The following EHBP1L1 variants were observed in gnomAD, a reference collection of about 807,000 sequenced individuals.
EHBP1L1 encodes EH domain binding protein 1 like 1, also known as EH domain-binding protein 1-like protein 1.
In EHBP1L1, 122 loss-of-function variants were observed where a neutral mutation model predicts 151.1. The observed-to-expected ratio is 0.81, with a 90% CI of 0.70 to 0.94. The LOEUF (loss-of-function observed/expected upper bound fraction) is 0.94, where lower values mean the gene tolerates loss of function less well. Among genes scored for constraint, EHBP1L1 ranks in the 40% least tolerant of loss-of-function variants. The probability of loss-of-function intolerance (pLI) is 0.00; values close to 1 mark genes in which losing one functional copy is unlikely to be tolerated. For synonymous variants in EHBP1L1, 878 were observed against 810.1 expected (o/e 1.08, Z -1.42); for missense variants, 1,941 against 1,959.8 (o/e 0.99, Z 0.18).
chr11:65,582,194 G>T lies in EHBP1L1; in HGVS notation c.1522G>T (p.Gly508Cys). 6.5e-7 allele frequency: 1 copy of T among 1,545,046 alleles called. No homozygotes were observed. Among genetic ancestry groups the T allele is most frequent in the Non-Finnish European group, 8.7e-7 (1 of 1,149,296 alleles). The change falls in exon 9 of 19, where the codon GGT becomes TGT. Residue 508 changes from glycine (G) to cysteine (C), a missense_variant. Gly to Cys is a radical substitution (Grantham distance 159). Transcript: ENST00000309295. Reference protein sequence around the residue: ...ARAAAGQEREGAEVRGGAPGI... With the variant: ...ARAAAGQERECAEVRGGAPGI... The stretch of plus-strand genomic sequence containing the variant: ...GGCTGCTGCAGGCCAGGAGAGAGAG[G>T]GTGCAGAAGTGAGGGGTGGAGCACC...
intron 9 of EHBP1L1, 113 bp downstream of exon 9, chr11:65,583,878 G>A: frequency 1.4e-6 from 2 of 1,425,300 alleles, no homozygotes; most frequent in East Asian, 2.5e-5. Flanking sequence ...GTGGGGTGGG[G>A]GGCTCAGCTT....
Position 65,592,224 on chromosome 11 carries a change from C to A in EHBP1L1, c.4494C>A (p.Arg1498=). ...CCAGCGCCCTGGAGGAGGACGAGCG[C>A]CTGGAGCGCGGCCTGGAACAGCGGC... The part of the protein sequence containing the change: ...KERIALEEDE[R]LERGLEQRRR... The change falls in exon 19 of 19, where the codon CGC becomes CGA. Residue 1498 remains arginine, a synonymous_variant. Coordinates refer to ENST00000309295, the MANE Select transcript of EHBP1L1 (RefSeq NM_001099409.3). 6.5e-7 allele frequency: 1 copy of A among 1,544,626 alleles called. No individual in the cohort carries two copies. Among genetic ancestry groups the A allele is most frequent in the Non-Finnish European group, 8.7e-7 (1 of 1,151,318 alleles).
intron 11 of EHBP1L1, 188 bp downstream of exon 11, chr11:65,584,722 C>T (rs1484406354): frequency 9.6e-7 from 1 of 1,039,410 alleles, no homozygotes. Flanking sequence ...AAGCGTTTTT[C>T]CTCCCTTAGA....
chr11:65,590,556 A>T lies in EHBP1L1; in HGVS notation c.4247A>T (p.Asn1416Ile). 6.2e-7 allele frequency: 1 copy of T among 1,613,636 alleles called. No homozygotes were observed. The highest frequency in any genetic ancestry group is 8.5e-7 in the Non-Finnish European group (1 of 1,179,838). Residue 1416 changes from asparagine (N) to isoleucine (I), a missense_variant, in exon 16 of 19, where the codon AAC becomes ATC. Coordinates refer to ENST00000309295, the MANE Select transcript of EHBP1L1 (RefSeq NM_001099409.3). ...QEWFTLVNKK[N>I]ALIRRQDQLQ... ...TGGTTCACCCTGGTCAACAAGAAGA[A>T]CGCTCTCATCCGGAGGCAGGACCAG...
At position 65,585,495 on chromosome 11, in the gene EHBP1L1, C is replaced by G; in HGVS notation, c.3837C>G (p.Asp1279Glu). The G allele has an allele frequency of 6.4e-7, 1 of 1,552,588 alleles. No individual in the cohort carries two copies. Residue 1279 changes from aspartate to glutamate, a missense_variant, in exon 12 of 19, where the codon GAC becomes GAG. Asp to Glu is a conservative substitution (Grantham distance 45). Coordinates refer to ENST00000309295, the MANE Select transcript of EHBP1L1 (RefSeq NM_001099409.3). The surrounding 1 kb of genome is among the most constrained non-coding windows in gnomAD (Gnocchi z 4.0). ...RAHGSFSHVR[D>E]ADLLKKRRSR... Reference sequence around the variant, plus strand: ...ACGGCTCCTTCTCCCACGTGCGCGACGCGGACCTGCTCAAGAAGAGGCGCT... The same window carrying G: ...ACGGCTCCTTCTCCCACGTGCGCGAGGCGGACCTGCTCAAGAAGAGGCGCT...
chr11:65,589,733 T>C lies in EHBP1L1; in HGVS notation c.3934-18T>C. ...GTGGGAAACCCCTCCCAGCCCTCACTGGCCCCTTCTTCCACAGGAAGGCCA... is the reference window on the plus strand; with the variant it reads ...GTGGGAAACCCCTCCCAGCCCTCACCGGCCCCTTCTTCCACAGGAAGGCCA... On this transcript the variant is annotated intron_variant, in intron 12 of 18. Coordinates refer to ENST00000309295, the MANE Select transcript of EHBP1L1 (RefSeq NM_001099409.3). The C allele has an allele frequency of 2.6e-6, 4 of 1,524,664 alleles. No homozygotes were observed. The highest frequency in any genetic ancestry group is 1.2e-5 in the South Asian group (1 of 80,226). 94.4% of individuals were successfully genotyped at this position (1,524,664 alleles called of 1,614,324 possible).
rs74601896 is a variant in EHBP1L1 at position 65,584,225 on chromosome 11, A to C, written c.3094-16A>C. 0.012 allele frequency: 18,721 copies of C among 1,602,834 alleles called. 1,671 individuals carry two copies. The African/African-American group carries it at 0.21, about 18-fold the overall frequency. ...TCCCATTTATACATTCCCTAAGCCC[A>C]CCCCTGTGTCCTCAGGCACCACCTG... On this transcript the variant is annotated splice_polypyrimidine_tract_variant and intron_variant, in intron 9 of 18. Transcript: ENST00000309295.
intron 12 of EHBP1L1, among the ~76,000 whole-genome samples, chr11:65,586,288 G>A (rs1259248537): frequency 1.3e-5 from 2 of 152,226 alleles, no homozygotes; most frequent in African/African-American, 4.8e-5. Flanking sequence ...AGAAAGAGCA[G>A]GGATTTGCTC....
chr11:65,580,976 C>G (rs1857574681), intron 6 of EHBP1L1, 82 bp from the exon 7 acceptor site: 1 of 1,520,278 alleles, frequency 6.6e-7, no homozygotes, highest in Admixed American at 2.1e-5. Flanking sequence ...AGGACCTGCA[C>G]TGTAGTTGGG....
At chr11:65,591,024 CTG>C (rs944310076) in intron 16 of EHBP1L1, among the ~76,000 whole-genome samples, 3 of 151,682 alleles carry the variant, frequency 2.0e-5, no homozygotes, top group African/African-American at 4.8e-5. Context: ...GAGTGAGACT[CTG>C]TCTCAAAAAA....
Position 65,583,473 on chromosome 11 carries a change from T to G in EHBP1L1, c.2801T>G (p.Val934Gly), listed in dbSNP as rs1396931465. 6.2e-7 allele frequency: 1 copy of G among 1,612,562 alleles called. No individual in the cohort carries two copies. Among genetic ancestry groups the G allele is most frequent in the Non-Finnish European group, 8.5e-7 (1 of 1,179,548 alleles). ...VQGSETQVLR[V>G]QEAEAGVWGM... Reference sequence around the variant, plus strand: ...GGGTCAGAGACTCAAGTTCTGAGAGTCCAGGAGGCAGAGGCTGGGGTTTGG... The same window carrying G: ...GGGTCAGAGACTCAAGTTCTGAGAGGCCAGGAGGCAGAGGCTGGGGTTTGG... The change falls in exon 9 of 19, where the codon GTC becomes GGC. Residue 934 changes from valine (V) to glycine (G), a missense_variant. Coordinates refer to ENST00000309295, the MANE Select transcript of EHBP1L1 (RefSeq NM_001099409.3).
intron 12 of EHBP1L1, among the ~76,000 whole-genome samples, chr11:65,586,563 G>A (rs565058360): frequency 2.6e-5 from 4 of 152,364 alleles, no homozygotes; most frequent in African/African-American, 9.6e-5. Context: ...GGTGGGAACT[G>A]CATTAGCAAA....
chr11:65,576,432 TC>T, intron 1 of EHBP1L1, 26 bp downstream of exon 1: 4 of 1,538,042 alleles, frequency 2.6e-6, no homozygotes, highest in South Asian at 1.2e-5. Flanking sequence ...GCGGGGGGGC[TC>T]CCCCGAACTT....
chr11:65,581,893 G>A lies in EHBP1L1; in HGVS notation c.1221G>A (p.Arg407=). The change falls in exon 9 of 19, where the codon AGG becomes AGA. Residue 407 remains arginine (R), a synonymous_variant. Transcript: ENST00000309295. ...GAGGCAGAGAGGCAAACACTAAGAG[G>A]TCAGGAGTCAGAGCTGGGGAGGCTG... ...RSGGREANTK[R]SGVRAGEAEE... 1 of 1,613,660 alleles carries A rather than the reference G, an allele frequency of 6.2e-7. No individual in the cohort carries two copies. The highest frequency in any genetic ancestry group is 8.5e-7 in the Non-Finnish European group (1 of 1,179,802).
chr11:65,576,988 T>A (rs1314066219), intron 1 of EHBP1L1, among the ~76,000 whole-genome samples: 2 of 152,004 alleles, frequency 1.3e-5, no homozygotes, highest in Non-Finnish European at 1.5e-5. Context: ...GGGAGCAGCT[T>A]AAAGGGGCCT....
intron 12 of EHBP1L1, among the ~76,000 whole-genome samples, chr11:65,588,897 G>T (rs1858113657): frequency 6.6e-6 from 1 of 152,204 alleles, no homozygotes; most frequent in South Asian, 2.1e-4. Flanking sequence ...GCCAGGAGGT[G>T]GAGGTGCTGG....
At position 65,583,709 on chromosome 11, in the gene EHBP1L1, C is replaced by T. The variant is rs1857770973; in HGVS notation, c.3037C>T (p.Pro1013Ser). The change falls in exon 9 of 19, where the codon CCC (proline) becomes TCC (serine). Residue 1013 changes from proline to serine, a missense_variant. Pro to Ser is a moderately conservative substitution (Grantham distance 74, BLOSUM62 -1). Transcript: ENST00000309295. The part of the protein sequence containing the change: ...QVASGAGAGA[P>S]RASSPEKAEE... ...GGCCAGTGGGGCAGGGGCTGGGGCG[C>T]CCAGGGCCTCTTCCCCAGAGAAGGC... is the stretch of plus-strand genomic sequence containing the variant. The T allele has an allele frequency of 3.2e-6, 5 of 1,555,096 alleles. No individual in the cohort carries two copies. Among genetic ancestry groups the T allele is most frequent in the Non-Finnish European group, 4.3e-6 (5 of 1,151,626 alleles).
At position 65,591,991 on chromosome 11, in the gene EHBP1L1, CCG is replaced by C; in HGVS notation, c.4375_4376del (p.Ala1459SerfsTer21). 1.2e-6 allele frequency: 2 copies of C among 1,612,618 alleles called. No homozygotes were observed. Among genetic ancestry groups the C allele is most frequent in the Non-Finnish European group, 1.7e-6 (2 of 1,179,088 alleles). On this transcript the variant is annotated frameshift_variant, in exon 18 of 19. Coordinates refer to ENST00000309295, the MANE Select transcript of EHBP1L1 (RefSeq NM_001099409.3). LOFTEE classifies it high-confidence loss of function. ...CGACCCTCAGACTGGCAGAAAACGTCCGCTCAGCAGCACCGAGAGCAGCTCCT... is the reference window on the plus strand; with the variant it reads ...CGACCCTCAGACTGGCAGAAAACGTCCTCAGCAGCACCGAGAGCAGCTCCT...
chr11:65,579,167 T>A, intron 2 of EHBP1L1, 32 bp downstream of exon 2: 1 of 1,571,496 alleles, frequency 6.4e-7, no homozygotes, highest in Non-Finnish European at 8.6e-7. Flanking sequence ...GGATCCAGGT[T>A]AGGGATGGGG....
Sources: gnomAD v4.1 joint callset for allele counts (sites outside exome capture counted in the v4.1 genomes callset) on GRCh38, gnomAD v4.1.1 for gene constraint, Gnocchi (gnomAD v3.1) non-coding constraint, MANE v1.5 for transcripts, NCBI Gene and HGNC (gene_info 2026-07-23, HGNC 2026-07-21) for gene names.